Variants in SEMA3A observed in about 807,000 individuals in gnomAD.
The protein encoded by SEMA3A is semaphorin-3A.
SEMA3A carries 29 observed loss-of-function variants against 97.9 expected under a neutral mutation model. The ratio of observed to expected loss-of-function variants is 0.30; its 90% CI spans 0.22 to 0.40. SEMA3A has a LOEUF of 0.40. SEMA3A is among the 10% of genes least tolerant of loss of function. The probability of loss-of-function intolerance (pLI) is 1.00; values close to 1 mark genes in which losing one functional copy is unlikely to be tolerated. For synonymous variants in SEMA3A, 321 were observed against 323.7 expected (o/e 0.99, Z 0.09); for missense variants, 763 against 951.3 (o/e 0.80, Z 2.60).
intron 1 of SEMA3A, among the ~76,000 whole-genome samples, chr7:84,379,407 T>C (rs926469987): frequency 1.3e-5 from 2 of 152,142 alleles, no homozygotes; most frequent in African/African-American, 2.4e-5. Flanking sequence ...TATACGTTTA[T>C]AAGGAAAAAG....
chr7:84,314,814 T>C (rs943166013), intron 2 of SEMA3A, among the ~76,000 whole-genome samples: 1 of 152,258 alleles, frequency 6.6e-6, no homozygotes, highest in African/African-American at 2.4e-5. Flanking sequence ...ACAGCAAGAA[T>C]TTGAGGAAAT....
At chr7:83,989,915 C>T (rs1789826188) in intron 12 of SEMA3A, among the ~76,000 whole-genome samples, 2 of 151,032 alleles carry the variant, frequency 1.3e-5, no homozygotes, top group African/African-American at 4.9e-5. Context: ...AATGGTAGAA[C>T]TAGTTTACAG....
Position 84,397,437 on chromosome 7 carries a change from A to G in SEMA3A, c.-245-25537T>C, listed in dbSNP as rs530034168. On this transcript the variant is annotated intron_variant, in intron 1 of 3. Coordinates refer to the SEMA3A transcript ENST00000424555. ...GCATTATATATATAAAATATATAAT[A>G]TATATTTTACATATATAACGTATAC... Among the ~76,000 whole-genome samples, 4 of 148,224 alleles carry G rather than the reference A, an allele frequency of 2.7e-5. No homozygotes were observed. The Admixed American group carries it at 2.7e-4, about 10-fold the overall frequency.
At chr7:84,369,360 T>C (rs62472627) in intron 2 of SEMA3A, among the ~76,000 whole-genome samples, 15,078 of 150,986 alleles carry the variant, frequency 0.1, 998 homozygotes, top group Middle Eastern at 0.15. Flanking sequence ...AAAGTGACTT[T>C]TGGAATTCAA....
chr7:84,082,824 G>A (rs1000171432), intron 4 of SEMA3A, among the ~76,000 whole-genome samples: 2 of 151,870 alleles, frequency 1.3e-5, no homozygotes, highest in South Asian at 2.1e-4. Flanking sequence ...TTAAAATATT[G>A]CAGATGTCAT....
At position 84,194,499 on chromosome 7, in the gene SEMA3A, G is replaced by A. The variant is rs1211011784; in HGVS notation, c.88C>T (p.Pro30Ser). ...ANYQNGKNNV[P>S]RLKLSYKEML... Reference sequence around the variant, plus strand: ...CCTTTGTAGGATAATTTCAGCCTTGGCACATTGTTCTTCCCATTCTGATAG... The same window carrying A: ...CCTTTGTAGGATAATTTCAGCCTTGACACATTGTTCTTCCCATTCTGATAG... Residue 30 changes from proline (P) to serine (S), a missense_variant, in exon 1 of 17, where the codon CCA becomes TCA. Physicochemically the swap from Pro to Ser is moderately conservative, Grantham distance 74. Around this residue, in one of 2 missense-constraint regions of SEMA3A, gnomAD observed 85 missense variants for 70.0 expected, o/e 1.21. Transcript: ENST00000265362. 1.3e-5 allele frequency: 21 copies of A among 1,609,272 alleles called. No homozygotes were observed. Among genetic ancestry groups the A allele is most frequent in the Non-Finnish European group, 1.8e-5 (21 of 1,175,774 alleles).
intron 2 of SEMA3A, among the ~76,000 whole-genome samples, chr7:84,356,753 T>G (rs941464110): frequency 7.9e-5 from 12 of 152,040 alleles, no homozygotes; most frequent in African/African-American, 2.9e-4. Context: ...CAATTAATTT[T>G]GAATTGTTCT....
chr7:84,126,400 T>C (rs1237806927), intron 3 of SEMA3A, among the ~76,000 whole-genome samples: 1 of 152,040 alleles, frequency 6.6e-6, no homozygotes, highest in Non-Finnish European at 1.5e-5. Flanking sequence ...AAGATGGGGC[T>C]TCACCATGTT....
At chr7:84,388,679 C>T (rs1444679273) in intron 1 of SEMA3A, among the ~76,000 whole-genome samples, 1 of 151,714 alleles carries the variant, frequency 6.6e-6, no homozygotes, top group Non-Finnish European at 1.5e-5. Flanking sequence ...TATACTTAGC[C>T]CTAGGAACAG....
Position 84,153,146 on chromosome 7 carries a change from TCA to T in SEMA3A, c.113-18197_113-18196del, listed in dbSNP as rs1426492992. Among the ~76,000 whole-genome samples the T allele has an allele frequency of 2.6e-5, 4 of 152,314 alleles. No individual in the cohort carries two copies. The East Asian group carries it at 5.8e-4, about 22-fold the overall frequency. On this transcript the variant is annotated intron_variant, in intron 1 of 16. Coordinates refer to ENST00000265362, the MANE Select transcript of SEMA3A (RefSeq NM_006080.3). ...TCCTTTTGATAAGCTCTGGAGTTTA[TCA>T]GCCCTGCTTTGCCACTTCATTAGCT...
rs1172077717 is a variant in SEMA3A, at chr7:84,152,331, G to T, written c.113-17380C>A. 1.3e-3 allele frequency among the ~76,000 whole-genome samples: 173 copies of T among 137,932 alleles called. 1 individual carries two copies. The highest frequency in any genetic ancestry group is 4.1e-3 in the African/African-American group (150 of 36,304). The allele number at this position is 137,932 out of a possible 152,430, so 90.5% of individuals were successfully genotyped here. On this transcript the variant is annotated intron_variant, in intron 1 of 16. Transcript: ENST00000265362. ...TGATAGACTGGATTAAGAAAATGTG[G>T]CACATATACACCATGGAATACTATG...
chr7:84,234,761 T>C (rs2116364307), intron 3 of SEMA3A, among the ~76,000 whole-genome samples: 1 of 152,212 alleles, frequency 6.6e-6, no homozygotes, highest in Admixed American at 6.6e-5. Context: ...AGTTTCATTA[T>C]TTATTTTATA....
intron 4 of SEMA3A, among the ~76,000 whole-genome samples, chr7:84,106,239 A>T (rs1795106135): frequency 6.6e-6 from 1 of 152,180 alleles, no homozygotes; most frequent in East Asian, 1.9e-4. Flanking sequence ...GATCTAAAAA[A>T]TTCTTATTGC....
chr7:83,994,325 C>T (rs1233507763), intron 12 of SEMA3A, among the ~76,000 whole-genome samples: 1 of 117,272 alleles, frequency 8.5e-6, no homozygotes, highest in Non-Finnish European at 1.8e-5. Flanking sequence ...TCATCAAAGT[C>T]ATTCTCCATC....
At chr7:83,987,775 C>G (rs1219590056) in intron 12 of SEMA3A, among the ~76,000 whole-genome samples, 2 of 149,836 alleles carry the variant, frequency 1.3e-5, no homozygotes, top group African/African-American at 4.8e-5. Context: ...AAAGATAGCC[C>G]TCTTATTAAG....
chr7:84,073,870 A>T (rs1398801506), intron 4 of SEMA3A, among the ~76,000 whole-genome samples: 1 of 146,114 alleles, frequency 6.8e-6, no homozygotes, highest in African/African-American at 2.8e-5. Context: ...AGCTAAAAAA[A>T]AAAAAAAAAA....
At chr7:84,322,276 T>C (rs1801667820) in intron 2 of SEMA3A, among the ~76,000 whole-genome samples, 1 of 152,148 alleles carries the variant, frequency 6.6e-6, no homozygotes, top group Admixed American at 6.5e-5. Flanking sequence ...CTCCATAGTG[T>C]TGTGAGAATT....
intron 1 of SEMA3A, among the ~76,000 whole-genome samples, chr7:84,176,105 C>G (rs1797558564): frequency 6.6e-6 from 1 of 152,008 alleles, no homozygotes; most frequent in Admixed American, 6.6e-5. Flanking sequence ...AGTGGTTTCC[C>G]TTTTTAATAA....
At chr7:84,479,907 C>A (rs1440559551) in intron 1 of SEMA3A, among the ~76,000 whole-genome samples, 1 of 152,122 alleles carries the variant, frequency 6.6e-6, no homozygotes. Flanking sequence ...ACAACAACAA[C>A]ACAGCCAAAG....
Sources: allele counts gnomAD v4.1 joint callset (sites outside exome capture counted in the v4.1 genomes callset), GRCh38; gene constraint gnomAD v4.1.1; regional missense constraint gnomAD v4.1.1; transcripts MANE v1.5; gene names NCBI Gene and HGNC (gene_info 2026-07-23, HGNC 2026-07-21).